Variants in TET2 observed in about 807,000 individuals in gnomAD.
The protein encoded by TET2 is methylcytosine dioxygenase TET2.
A neutral mutation model predicts 142.9 loss-of-function variants in TET2; 299 were observed. The observed-to-expected ratio is 2.09, with a 90% CI of 1.90 to 2.30. TET2 has a LOEUF of 2.30. TET2 is among the 30% of genes most tolerant of loss of function. The pLI, the probability that TET2 is intolerant of heterozygous loss-of-function variation, is 0.00. For missense variants in TET2, 2,418 were observed against 2,378.0 expected, an observed-to-expected ratio of 1.02 and a Z score of -0.35; for synonymous variants, 819 against 849.0, an observed-to-expected ratio of 0.96 and a Z score of 0.61.
At chr4:105,178,687 T>C (rs1724947612) in intron 1 of TET2, among the ~76,000 whole-genome samples, 1 of 152,166 alleles carries the variant, frequency 6.6e-6, no homozygotes, top group Admixed American at 6.5e-5. Flanking sequence ...TATGGGAACT[T>C]TCTACTGTTT....
intron 8 of TET2, among the ~76,000 whole-genome samples, chr4:105,264,160 AG>A (rs1408786531): frequency 2.6e-5 from 4 of 151,736 alleles, no homozygotes; most frequent in Non-Finnish European, 4.4e-5. Flanking sequence ...TCTATTTGTA[AG>A]TTATTTTATG....
intron 1 of TET2, chr4:105,147,864 C>G (rs1215889723): frequency 6.5e-3 from 2 of 310 alleles, no homozygotes; most frequent in South Asian, 0.056. Context: ...GGGTGGGGAG[C>G]GCAGCGTTGG....
Position 105,234,444 on chromosome 4 carries a change from A to G in TET2, c.502A>G (p.Thr168Ala), listed in dbSNP as rs1396214027. The change falls in exon 3 of 11, where the codon ACA becomes GCA. Residue 168 changes from threonine (T) to alanine (A), a missense_variant. Physicochemically the swap from Thr to Ala is moderately conservative, Grantham distance 58. Transcript: ENST00000380013. ...AGTTAAAGATTTCACCAGTTTTTCA[A>G]CACATAACTGCAGTGGGCCTGAAAA... ...NAVKDFTSFS[T>A]HNCSGPENPE... 2 of 1,614,026 alleles carry G rather than the reference A, an allele frequency of 1.2e-6. No homozygotes were observed. Among genetic ancestry groups the G allele is most frequent in the African/African-American group, 1.3e-5 (1 of 75,052 alleles).
rs28555446 is a variant in TET2, at chr4:105,236,371, A to C, written c.2429A>C (p.Gln810Pro). ...HNVQMGLEEV[Q>P]NINRRNSPYS... ...GTCCAAATGGGACTGGAGGAAGTAC[A>C]GAATATAAATCGTAGAAATTCCCCT... Residue 810 changes from glutamine (Q) to proline (P), a missense_variant, in exon 3 of 11, where the codon CAG becomes CCG. Gln to Pro is a moderately conservative substitution (Grantham distance 76). Coordinates refer to ENST00000380013, the MANE Select transcript of TET2 (RefSeq NM_001127208.3). The C allele has an allele frequency of 3.1e-6, 5 of 1,613,914 alleles. No individual in the cohort carries two copies. In the African/African-American group the frequency reaches 6.7e-5, roughly 22 times the overall value.
Position 105,242,839 on chromosome 4 carries a change from G to T in TET2, c.3506G>T (p.Gly1169Val). 6.4e-7 allele frequency: 1 copy of T among 1,551,002 alleles called. No individual in the cohort carries two copies. The highest frequency in any genetic ancestry group is 1.2e-5 in the South Asian group (1 of 83,898). The change falls in exon 5 of 11, where the codon GGA becomes GTA. Residue 1169 changes from glycine to valine, a missense_variant. Gly to Val is a moderately radical substitution (Grantham distance 109, BLOSUM62 -3). Transcript: ENST00000380013. ...AIREIMEERF[G>V]QKGKAIRIER... ...TTTCTGTGGGTTTCTTTAAGGTTTG[G>T]ACAGAAGGGTAAAGCTATTAGGATT...
chr4:105,251,361 G>A (rs1166322420), intron 6 of TET2, among the ~76,000 whole-genome samples: 1 of 152,094 alleles, frequency 6.6e-6, no homozygotes. Flanking sequence ...GATACTAGTT[G>A]TAGGTTTTGT....
chr4:105,269,699 T>G lies in TET2; in HGVS notation c.4134T>G (p.Cys1378Trp), dbSNP rs2110300861. The G allele has an allele frequency of 6.4e-7, 1 of 1,551,692 alleles. No individual in the cohort carries two copies. Among genetic ancestry groups the G allele is most frequent in the Non-Finnish European group, 8.7e-7 (1 of 1,146,972 alleles). Residue 1378 changes from cysteine (C) to tryptophan (W), a missense_variant, in exon 9 of 11, where the codon TGT becomes TGG. Cys to Trp is a radical substitution (Grantham distance 215). Coordinates refer to ENST00000380013, the MANE Select transcript of TET2 (RefSeq NM_001127208.3). ...GGGTCACTGCATGTTTGGACTTCTG[T>G]GCTCATGCCCACAGAGACTTGCACA... ...FSGVTACLDF[C>W]AHAHRDLHNM...
chr4:105,159,523 G>T (rs2110371436), intron 1 of TET2, among the ~76,000 whole-genome samples: 1 of 152,040 alleles, frequency 6.6e-6, no homozygotes, highest in African/African-American at 2.4e-5. Context: ...CCAAAGTGCT[G>T]GGATTACAGG....
chr4:105,258,007 A>G (rs1203487683), intron 6 of TET2, among the ~76,000 whole-genome samples: 1 of 152,122 alleles, frequency 6.6e-6, no homozygotes, highest in African/African-American at 2.4e-5. Flanking sequence ...TATCCAACCA[A>G]TCTGGCCTCC....
chr4:105,210,907 T>A (rs1402386245), intron 2 of TET2, among the ~76,000 whole-genome samples: 1 of 152,162 alleles, frequency 6.6e-6, no homozygotes, highest in East Asian at 1.9e-4. Context: ...GCTACCAGAG[T>A]GATCTTTTAA....
At chr4:105,259,867 T>C (rs946202234) in intron 7 of TET2, 98 bp downstream of exon 7, 1 of 1,215,642 alleles carries the variant, frequency 8.2e-7, no homozygotes, top group African/African-American at 1.5e-5. Context: ...TAAGCTCTTA[T>C]TAATCAAAGT....
At chr4:105,248,700 A>G (rs574971856) in intron 6 of TET2, among the ~76,000 whole-genome samples, 1 of 152,308 alleles carries the variant, frequency 6.6e-6, no homozygotes, top group African/African-American at 2.4e-5. Context: ...TATACAATTC[A>G]GTTGTTTCAG....
Position 105,236,060 on chromosome 4 carries a change from G to A in TET2, c.2118G>A (p.Gln706=). The change falls in exon 3 of 11, where the codon CAG becomes CAA. Residue 706 remains glutamine (Q), a synonymous_variant. Transcript: ENST00000380013. ...TGTTGAAACAGCACTTGAATCAACA[G>A]GCTTCAGAGACTGAGCCATTTTCAA... The part of the protein sequence containing the change: ...SPVLKQHLNQ[Q]ASETEPFSNS... 2 of 1,614,076 alleles carry A rather than the reference G, an allele frequency of 1.2e-6. No homozygotes were observed. The highest frequency in any genetic ancestry group is 1.1e-5 in the South Asian group (1 of 91,086).
At chr4:105,258,720 T>TATATCACAATATA (rs1730267790) in intron 6 of TET2, among the ~76,000 whole-genome samples, 1 of 152,198 alleles carries the variant, frequency 6.6e-6, no homozygotes, top group Non-Finnish European at 1.5e-5. Flanking sequence ...ATTATTTACT[T>TATATCACAATATA]ATATCACAAT....
chr4:105,275,903 C>G lies in TET2; in HGVS notation c.5393C>G (p.Ser1798Ter). 1 of 1,552,034 alleles carries G rather than the reference C, an allele frequency of 6.4e-7. No homozygotes were observed. Residue 1798 changes from serine (S) to a stop codon, truncating the protein, a stop_gained, in exon 11 of 11, where the codon TCA (serine) becomes TGA (stop). Coordinates refer to ENST00000380013, the MANE Select transcript of TET2 (RefSeq NM_001127208.3). LOFTEE classifies it low-confidence loss of function (END_TRUNC). The part of the protein sequence containing the change: ...DMLSHTANGL[S>*]KMLPALNHDR... Reference sequence around the variant, plus strand: ...CTTTCCCACACAGCTAATGGGTTATCAAAGATGCTTCCAGCTCTTAACCAT... The same window carrying G: ...CTTTCCCACACAGCTAATGGGTTATGAAAGATGCTTCCAGCTCTTAACCAT...
intron 2 of TET2, among the ~76,000 whole-genome samples, chr4:105,218,988 G>A (rs1177222373): frequency 1.3e-5 from 2 of 151,796 alleles, no homozygotes; most frequent in Non-Finnish European, 2.9e-5. Context: ...TCATGTATGG[G>A]AACATTGATG....
chr4:105,206,576 A>G (rs1369417157), intron 2 of TET2, among the ~76,000 whole-genome samples: 2 of 152,222 alleles, frequency 1.3e-5, no homozygotes, highest in Admixed American at 6.5e-5. Context: ...GCACTCCACA[A>G]CTGACTTTAA....
intron 1 of TET2, among the ~76,000 whole-genome samples, chr4:105,185,527 TC>T (rs1340235222): frequency 6.6e-6 from 1 of 152,258 alleles, no homozygotes; most frequent in African/African-American, 2.4e-5. Flanking sequence ...ATGCCTGTAA[TC>T]CCAGCACTTT....
intron 1 of TET2, among the ~76,000 whole-genome samples, chr4:105,180,715 C>T (rs1725071250): frequency 6.6e-6 from 1 of 151,950 alleles, no homozygotes; most frequent in Non-Finnish European, 1.5e-5. Flanking sequence ...TCTTGCCTCA[C>T]TGCAACCTCC....
Sources: allele counts gnomAD v4.1 joint callset (sites outside exome capture counted in the v4.1 genomes callset), GRCh38; gene constraint gnomAD v4.1.1; transcripts MANE v1.5; gene names NCBI Gene and HGNC (gene_info 2026-07-23, HGNC 2026-07-21).